The following RIC8B variants were observed in gnomAD, a reference collection of about 807,000 sequenced individuals.
RIC8B encodes the protein chaperone Ric-8B.
In RIC8B, 16 loss-of-function variants were observed where a neutral mutation model predicts 57.5. That is an observed-to-expected ratio of 0.28 (90% CI 0.19 to 0.42). The LOEUF is 0.42. Among genes scored for constraint, RIC8B ranks in the 10% least tolerant of loss-of-function variants. The pLI is 1.00. For synonymous variants in RIC8B, 216 were observed against 250.8 expected (o/e 0.86, Z 1.31); for missense variants, 481 against 677.0 (o/e 0.71, Z 3.21).
intron 2 of RIC8B, among the ~76,000 whole-genome samples, chr12:106,795,261 G>A (rs1260589160): frequency 6.6e-6 from 1 of 152,206 alleles, no homozygotes; most frequent in Non-Finnish European, 1.5e-5. Flanking sequence ...GAAGGGAATA[G>A]TGAAGTAGCT....
intron 9 of RIC8B, among the ~76,000 whole-genome samples, chr12:106,882,747 A>G (rs986367803): frequency 1.3e-5 from 2 of 152,072 alleles, no homozygotes; most frequent in African/African-American, 4.8e-5. Context: ...CACCTTTCCT[A>G]CAGAAGTATC....
chr12:106,847,188 T>C (rs914853559), intron 6 of RIC8B, among the ~76,000 whole-genome samples: 1 of 152,124 alleles, frequency 6.6e-6, no homozygotes, highest in African/African-American at 2.4e-5. Flanking sequence ...TTGGGGGATT[T>C]GAAAAAGAAA....
chr12:106,857,087 T>A (rs1413470111), intron 7 of RIC8B, among the ~76,000 whole-genome samples: 2 of 152,204 alleles, frequency 1.3e-5, no homozygotes, highest in Non-Finnish European at 2.9e-5. Context: ...ACGAGCCCTT[T>A]AGGCCCCTGT....
At position 106,853,453 on chromosome 12, in the gene RIC8B, C is replaced by CTTTTTTTTTTTT. The variant is rs758876525; in HGVS notation, c.1306+1881_1306+1892dup. Among the ~76,000 whole-genome samples, 162 of 38,042 alleles carry CTTTTTTTTTTTT rather than the reference C, an allele frequency of 4.3e-3. 34 individuals carry two copies. Among genetic ancestry groups the CTTTTTTTTTTTT allele is most frequent in the East Asian group, 7.2e-3 (6 of 834 alleles). The allele number at this position is 38,042 out of a possible 152,430, so 25.0% of individuals were successfully genotyped here. On this transcript the variant is annotated intron_variant, in intron 7 of 9. Transcript: ENST00000392837. ...GACCTCAACAATTCTGCTTTATAGT[C>CTTTTTTTTTTTT]TTTTTTTTTTTTTTTTTTTTTTTTT...
At chr12:106,852,841 A>T (rs942397561) in intron 7 of RIC8B, among the ~76,000 whole-genome samples, 5 of 152,248 alleles carry the variant, frequency 3.3e-5, no homozygotes, top group Admixed American at 1.3e-4. Context: ...TTGATTTAGC[A>T]TCTTGGAATT....
At chr12:106,850,726 A>C (rs1566134539) in intron 6 of RIC8B, among the ~76,000 whole-genome samples, 1 of 152,240 alleles carries the variant, frequency 6.6e-6, no homozygotes, top group East Asian at 1.9e-4. Context: ...GTACTAAAAA[A>C]TTAATAGCCA....
intron 9 of RIC8B, among the ~76,000 whole-genome samples, chr12:106,877,554 C>A (rs994146873): frequency 6.6e-6 from 1 of 152,070 alleles, no homozygotes; most frequent in African/African-American, 2.4e-5. Context: ...AAACACAAAA[C>A]AAAGCAAAGC....
In RIC8B at chr12:106,887,428, C is replaced by G. The variant is rs1477165; in HGVS notation, c.*1413C>G. On this transcript the variant is annotated 3_prime_UTR_variant, in exon 10 of 10. Transcript: ENST00000392837. ...GACAGGTAGAGTACATGGAGGGTTACTGAAAAGGTCATTTATCCAGAAGTT... is the reference window on the plus strand; with the variant it reads ...GACAGGTAGAGTACATGGAGGGTTAGTGAAAAGGTCATTTATCCAGAAGTT... 0.28 allele frequency: 41,825 copies of G among 152,088 alleles called. 7,095 individuals are homozygous for G. Among genetic ancestry groups the G allele is most frequent in the African/African-American group, 0.48 (19,774 of 41,386 alleles). 9.4% of individuals were successfully genotyped at this position (152,088 alleles called of 1,614,324 possible).
chr12:106,797,384 G>A (rs2044531466), intron 2 of RIC8B, among the ~76,000 whole-genome samples: 1 of 152,168 alleles, frequency 6.6e-6, no homozygotes, highest in Non-Finnish European at 1.5e-5. Flanking sequence ...TTACACGAAA[G>A]ATACCAGACA....
chr12:106,812,380 T>A (rs948501088), intron 2 of RIC8B, among the ~76,000 whole-genome samples: 1 of 152,142 alleles, frequency 6.6e-6, no homozygotes, highest in Non-Finnish European at 1.5e-5. Context: ...GTCTTCAGGC[T>A]CTGCTCTTTT....
rs1167977219 is a variant in RIC8B, at chr12:106,887,205, TATATATAC to T, written c.*1202_*1209del. ...GTATATACACACGTACATACATTCA[TATATATAC>T]ATATATACATAATGTGCTTAACCAC... On this transcript the variant is annotated 3_prime_UTR_variant, in exon 10 of 10. Coordinates refer to ENST00000392837, the MANE Select transcript of RIC8B (RefSeq NM_001330145.2). 3 of 152,582 alleles carry T rather than the reference TATATATAC, an allele frequency of 2.0e-5. No homozygotes were observed. Among genetic ancestry groups the T allele is most frequent in the South Asian group, 2.1e-4 (1 of 4,836 alleles). The allele number at this position is 152,582 out of a possible 1,614,324, so 9.5% of individuals were successfully genotyped here.
chr12:106,798,526 T>TA (rs1279108102), intron 2 of RIC8B, among the ~76,000 whole-genome samples: 1 of 152,154 alleles, frequency 6.6e-6, no homozygotes, highest in Non-Finnish European at 1.5e-5. Context: ...TCCAGTACAG[T>TA]ATGATTCCTT....
intron 1 of RIC8B, among the ~76,000 whole-genome samples, chr12:106,783,140 A>G (rs1214047210): frequency 6.6e-6 from 1 of 151,970 alleles, no homozygotes; most frequent in Non-Finnish European, 1.5e-5. Context: ...GAGTCATGAC[A>G]CTCTCTGCCT....
At chr12:106,803,198 G>A (rs1054996077) in intron 2 of RIC8B, among the ~76,000 whole-genome samples, 1 of 121,030 alleles carries the variant, frequency 8.3e-6, no homozygotes, top group Admixed American at 9.8e-5. Context: ...GGTGACAAGA[G>A]TGATGATACC....
chr12:106,783,496 C>G (rs1183646218), intron 1 of RIC8B, among the ~76,000 whole-genome samples: 1 of 152,224 alleles, frequency 6.6e-6, no homozygotes, highest in Non-Finnish European at 1.5e-5. Context: ...AAAGTATAAA[C>G]TCAGCAGCAT....
chr12:106,787,688 G>A (rs1257865690), intron 2 of RIC8B, among the ~76,000 whole-genome samples: 1 of 152,064 alleles, frequency 6.6e-6, no homozygotes, highest in Non-Finnish European at 1.5e-5. Context: ...CCCCCGATAA[G>A]CCCATCAGAT....
At chr12:106,790,059 C>T (rs2044200946) in intron 2 of RIC8B, among the ~76,000 whole-genome samples, 2 of 152,082 alleles carry the variant, frequency 1.3e-5, no homozygotes, top group South Asian at 4.1e-4. Context: ...ACCGGTAGTG[C>T]TGTAAGTATG....
At chr12:106,814,427 C>T (rs2045479380) in intron 2 of RIC8B, among the ~76,000 whole-genome samples, 1 of 152,122 alleles carries the variant, frequency 6.6e-6, no homozygotes, top group South Asian at 2.1e-4. Flanking sequence ...AGTCTTTTTG[C>T]AAGAGCCTGT....
intron 4 of RIC8B, among the ~76,000 whole-genome samples, chr12:106,831,711 T>C (rs780752830): frequency 6.6e-6 from 1 of 152,216 alleles, no homozygotes; most frequent in Non-Finnish European, 1.5e-5. Flanking sequence ...AGTCTCTGCC[T>C]AATAAATTGG....
Sources: allele counts gnomAD v4.1 joint callset (sites outside exome capture counted in the v4.1 genomes callset), GRCh38; gene constraint gnomAD v4.1.1; transcripts MANE v1.5; gene names NCBI Gene and HGNC (gene_info 2026-07-23, HGNC 2026-07-21).